H2BK1: variants seen among roughly 807,000 people sequenced by gnomAD.
The protein encoded by H2BK1 is H2B.K variant histone 1.
At chr7:151,209,323 T>C in the H2BK1 span, among the ~76,000 whole-genome samples, 6 of 137,928 alleles carry the variant, frequency 4.4e-5, no homozygotes, top group Non-Finnish European at 7.8e-5. Context: ...CACAAGAGCA[T>C]TCCCAGGCAC....
chr7:151,208,568 C>T, the H2BK1 span, among the ~76,000 whole-genome samples: 3 of 152,134 alleles, frequency 2.0e-5, no homozygotes, highest in Non-Finnish European at 4.4e-5. Context: ...ATGGTAAATG[C>T]CCATCTTTGA....
At chr7:151,209,303 C>G in the H2BK1 span, among the ~76,000 whole-genome samples, 1 of 151,600 alleles carries the variant, frequency 6.6e-6, no homozygotes, top group Admixed American at 6.6e-5. Context: ...GACCCACCCA[C>G]CCCCAACCCC....
the H2BK1 span, among the ~76,000 whole-genome samples, chr7:151,209,811 G>A: frequency 6.6e-6 from 1 of 152,120 alleles, no homozygotes; most frequent in Non-Finnish European, 1.5e-5. Flanking sequence ...AGTTCACCCT[G>A]ATCACTCCTC....
chr7:151,210,115 C>T, the H2BK1 span: 1 of 397,242 alleles, frequency 2.5e-6, no homozygotes, highest in Non-Finnish European at 4.4e-6. Flanking sequence ...TCAAGGTCCC[C>T]ACTTCCAGCC....
At chr7:151,208,648 A>G in the H2BK1 span, among the ~76,000 whole-genome samples, 1 of 152,130 alleles carries the variant, frequency 6.6e-6, no homozygotes, top group East Asian at 1.9e-4. Context: ...TGTGCATATA[A>G]CTTGGTGGAG....
the H2BK1 span, among the ~76,000 whole-genome samples, chr7:151,208,645 A>G: frequency 7.8e-4 from 119 of 152,282 alleles, no homozygotes; most frequent in African/African-American, 2.8e-3. Flanking sequence ...GTTTGTGCAT[A>G]TAACTTGGTG....
the H2BK1 span, among the ~76,000 whole-genome samples, chr7:151,209,367 T>C: frequency 0.09 from 13,315 of 148,700 alleles, 691 homozygotes; most frequent in Non-Finnish European, 0.11. Context: ...GCTAATGGGA[T>C]TTGGACTGGA....
At chr7:151,210,422 G>T in the H2BK1 span, 153 of 377,280 alleles carry the variant, frequency 4.1e-4, 3 homozygotes, top group African/African-American at 2.9e-3. Context: ...GGGAGGGGGG[G>T]GGGGGGCAGG....
chr7:151,208,032 G>A, the H2BK1 span: 64 of 1,613,212 alleles, frequency 4.0e-5, no homozygotes, highest in Non-Finnish European at 5.3e-5. Flanking sequence ...TCACACGCCA[G>A]CTGCTCAAAC....
the H2BK1 span, chr7:151,210,263 G>A: frequency 5.0e-6 from 2 of 399,300 alleles, no homozygotes; most frequent in African/African-American, 2.1e-5. Flanking sequence ...TTTGTTCCCA[G>A]AACTGCGACC....
the H2BK1 span, chr7:151,208,052 A>G: frequency 2.5e-6 from 4 of 1,614,054 alleles, no homozygotes; most frequent in Non-Finnish European, 3.4e-6. Flanking sequence ...CACGTCGTTT[A>G]CAAACGAGTT....
the H2BK1 span, chr7:151,210,415 AGGGGGG>A: frequency 3.9e-6 from 1 of 259,094 alleles, no homozygotes; most frequent in Non-Finnish European, 6.8e-6. Context: ...TGCACCTGGG[AGGGGGG>A]GGGGGGGCAG....
chr7:151,208,672 A>G, the H2BK1 span, among the ~76,000 whole-genome samples: 1 of 152,154 alleles, frequency 6.6e-6, no homozygotes, highest in Middle Eastern at 3.2e-3. Context: ...ATAACCAGTG[A>G]GCCTGTCCAT....
the H2BK1 span, chr7:151,210,356 G>A: frequency 5.3e-5 from 19 of 359,622 alleles, no homozygotes; most frequent in East Asian, 2.9e-4. Context: ...CACCCCCTTG[G>A]AGCTACTTTT....
At chr7:151,207,929 G>A in the H2BK1 span, 2 of 1,238,534 alleles carry the variant, frequency 1.6e-6, no homozygotes, top group Non-Finnish European at 2.4e-6. Flanking sequence ...AGCGTGCTTG[G>A]CCAGCTCCCC....
At chr7:151,208,748 C>T in the H2BK1 span, among the ~76,000 whole-genome samples, 1 of 152,338 alleles carries the variant, frequency 6.6e-6, no homozygotes, top group African/African-American at 2.4e-5. Context: ...TGAATCCCTA[C>T]GACCTCAAAT....
chr7:151,208,266 T>C, the H2BK1 span, among the ~76,000 whole-genome samples: 1 of 152,360 alleles, frequency 6.6e-6, no homozygotes, highest in Admixed American at 6.5e-5. Flanking sequence ...CCAACAGTCA[T>C]GGAAATAGGG....
chr7:151,209,645 C>T, the H2BK1 span, among the ~76,000 whole-genome samples: 1 of 152,134 alleles, frequency 6.6e-6, no homozygotes, highest in African/African-American at 2.4e-5. Flanking sequence ...TTGCCCAGAG[C>T]CAGGGGAACT....
the H2BK1 span, among the ~76,000 whole-genome samples, chr7:151,209,524 T>G: frequency 6.6e-6 from 1 of 152,178 alleles, no homozygotes; most frequent in Non-Finnish European, 1.5e-5. Flanking sequence ...CCAGACAAAT[T>G]GATTGTCAGT....
Sources: allele counts gnomAD v4.1 joint callset (sites outside exome capture counted in the v4.1 genomes callset), GRCh38; gene constraint gnomAD v4.1.1; transcripts MANE v1.5; gene names NCBI Gene and HGNC (gene_info 2026-07-23, HGNC 2026-07-21).